The following RPRD1A variants were observed in gnomAD, a reference collection of about 807,000 sequenced individuals.
RPRD1A encodes the protein regulation of nuclear pre-mRNA domain-containing protein 1A.
A neutral mutation model predicts 37.8 loss-of-function variants in RPRD1A; 9 were observed. That is an observed-to-expected ratio of 0.24 (90% CI 0.14 to 0.42). RPRD1A has a LOEUF of 0.42. RPRD1A is among the 10% of genes least tolerant of loss of function. The probability of loss-of-function intolerance (pLI) is 1.00; values close to 1 mark genes in which losing one functional copy is unlikely to be tolerated. For missense variants in RPRD1A, 255 were observed against 371.0 expected (o/e 0.69, Z 2.57); for synonymous variants, 138 against 139.7 (o/e 0.99, Z 0.08).
At chr18:36,033,675 C>A in intron 2 of RPRD1A, 33 bp downstream of exon 2, 1 of 1,571,030 alleles carries the variant, frequency 6.4e-7, no homozygotes, top group Non-Finnish European at 8.6e-7. Context: ...ACATTTAAAA[C>A]AGATTACCTA....
chr18:36,012,373 T>TA (rs1910230717), intron 6 of RPRD1A, among the ~76,000 whole-genome samples: 2 of 152,242 alleles, frequency 1.3e-5, no homozygotes, highest in Non-Finnish European at 2.9e-5. Flanking sequence ...TTTTTATTGT[T>TA]AGAATATACT....
At chr18:36,024,671 G>T (rs1306282893) in intron 6 of RPRD1A, among the ~76,000 whole-genome samples, 2 of 152,120 alleles carry the variant, frequency 1.3e-5, no homozygotes, top group Non-Finnish European at 2.9e-5. Flanking sequence ...TGACACATCA[G>T]TATCTGGTCA....
At chr18:36,062,862 G>A (rs1458375900) in intron 1 of RPRD1A, 1 of 152,162 alleles carries the variant, frequency 6.6e-6, no homozygotes, top group African/African-American at 2.4e-5. Flanking sequence ...AAAACTGGTG[G>A]TAGCTTTACA....
intron 6 of RPRD1A, among the ~76,000 whole-genome samples, chr18:36,009,406 G>T (rs921594548): frequency 7.2e-5 from 11 of 152,170 alleles, no homozygotes; most frequent in Non-Finnish European, 1.5e-4. Context: ...CACTGCAATG[G>T]AGTCACTGTG....
At chr18:36,015,754 G>A (rs1910517969) in intron 6 of RPRD1A, among the ~76,000 whole-genome samples, 1 of 152,176 alleles carries the variant, frequency 6.6e-6, no homozygotes. Context: ...CTTATATAAG[G>A]TATCCGGAAT....
intron 4 of RPRD1A, among the ~76,000 whole-genome samples, chr18:36,028,920 T>C (rs966448561): frequency 3.3e-5 from 5 of 152,186 alleles, no homozygotes; most frequent in African/African-American, 1.2e-4. Context: ...GCAACTGTGG[T>C]TACCCTTTCA....
At chr18:36,019,522 T>C (rs955120609) in intron 6 of RPRD1A, among the ~76,000 whole-genome samples, 2 of 152,262 alleles carry the variant, frequency 1.3e-5, no homozygotes, top group African/African-American at 2.4e-5. Flanking sequence ...ATAAGCCAGG[T>C]AGTACATGAC....
chr18:36,042,672 TC>T (rs1261493065), intron 1 of RPRD1A, among the ~76,000 whole-genome samples: 1 of 152,032 alleles, frequency 6.6e-6, no homozygotes, highest in Non-Finnish European at 1.5e-5. Context: ...AGAAAAACAG[TC>T]AAGACATGTG....
chr18:36,019,904 A>G (rs1910877199), intron 6 of RPRD1A, among the ~76,000 whole-genome samples: 1 of 152,132 alleles, frequency 6.6e-6, no homozygotes, highest in South Asian at 2.1e-4. Flanking sequence ...GACAGCCGTG[A>G]TGGCGCGCAC....
chr18:36,067,138 C>G, intron 1 of RPRD1A, 116 bp downstream of exon 1: 1 of 1,166,242 alleles, frequency 8.6e-7, no homozygotes, highest in Non-Finnish European at 1.2e-6. Flanking sequence ...CCGCAGACCA[C>G]CGCGCGCTGG....
chr18:36,046,241 C>G (rs1036137105), intron 1 of RPRD1A, among the ~76,000 whole-genome samples: 5 of 152,096 alleles, frequency 3.3e-5, no homozygotes, highest in Non-Finnish European at 5.9e-5. Flanking sequence ...TGTAATGAGC[C>G]CAACATCCCT....
At chr18:36,007,481 T>C (rs1241847620) in intron 6 of RPRD1A, among the ~76,000 whole-genome samples, 7 of 152,288 alleles carry the variant, frequency 4.6e-5, no homozygotes, top group African/African-American at 1.7e-4. Flanking sequence ...AAGATTCCAG[T>C]GATCGGAATG....
At chr18:36,055,064 G>A (rs1412444408) in intron 1 of RPRD1A, among the ~76,000 whole-genome samples, 1 of 152,172 alleles carries the variant, frequency 6.6e-6, no homozygotes, top group African/African-American at 2.4e-5. Context: ...AGAAATGGCT[G>A]GCTGAATGTC....
intron 6 of RPRD1A, among the ~76,000 whole-genome samples, chr18:36,012,941 T>C (rs2144210801): frequency 6.6e-6 from 1 of 152,332 alleles, no homozygotes; most frequent in South Asian, 2.1e-4. Context: ...AATATTTTAG[T>C]CATCACTCCA....
chr18:36,035,378 C>T (rs1912116917), intron 1 of RPRD1A, among the ~76,000 whole-genome samples: 1 of 152,212 alleles, frequency 6.6e-6, no homozygotes, highest in South Asian at 2.1e-4. Flanking sequence ...CATACATTAT[C>T]TCAATCCTAA....
At chr18:36,040,776 A>C (rs548684689) in intron 1 of RPRD1A, 5 of 1,345,856 alleles carry the variant, frequency 3.7e-6, no homozygotes, top group Non-Finnish European at 1.0e-6. Flanking sequence ...AGTGGTACTT[A>C]CATAGAAGAA....
rs141006519 is a variant in RPRD1A, at chr18:36,018,785, C to T, written c.789+8115G>A. On this transcript the variant is annotated intron_variant, in intron 6 of 6. Transcript: ENST00000399022. ...AAAGAATATGGAAGAAAAACAAAAA[C>T]CAAAATGACAATGTAATACAGTTGG... Among the ~76,000 whole-genome samples, 239 of 151,884 alleles carry T rather than the reference C, an allele frequency of 1.6e-3. 1 individual carries two copies. Among genetic ancestry groups the T allele is most frequent in the African/African-American group, 5.4e-3 (224 of 41,364 alleles).
chr18:36,018,746 T>A (rs182580213), intron 6 of RPRD1A, among the ~76,000 whole-genome samples: 1 of 151,964 alleles, frequency 6.6e-6, no homozygotes, highest in South Asian at 2.1e-4. Flanking sequence ...ACTAAGTATA[T>A]AAAGTATTAA....
Position 35,990,422 on chromosome 18 carries a change from T to C in RPRD1A, c.*2729A>G, listed in dbSNP as rs542815708. 5.3e-5 allele frequency: 8 copies of C among 152,300 alleles called. No homozygotes were observed. The highest frequency in any genetic ancestry group is 1.9e-4 in the African/African-American group (8 of 41,564). 9.4% of individuals were successfully genotyped at this position (152,300 alleles called of 1,614,324 possible). A position where few individuals can be genotyped will look rare whatever the true frequency, so the allele number is the denominator to read the frequency against. ...TAGAAAAACCCTGATTCAGAGTGCA[T>C]GTGATAGGAGATACCAAAATAGCTG... On this transcript the variant is annotated 3_prime_UTR_variant, in exon 7 of 7. Coordinates refer to ENST00000399022, the MANE Select transcript of RPRD1A (RefSeq NM_018170.5).
Sources: allele counts gnomAD v4.1 joint callset (sites outside exome capture counted in the v4.1 genomes callset), GRCh38; gene constraint gnomAD v4.1.1; transcripts MANE v1.5; gene names NCBI Gene and HGNC (gene_info 2026-07-23, HGNC 2026-07-21).